RELN: variants seen among roughly 807,000 people sequenced by gnomAD.
RELN encodes reelin.
RELN carries 108 observed loss-of-function variants against 427.6 expected under a neutral mutation model. The observed-to-expected ratio is 0.25, with a 90% confidence interval of 0.22 to 0.30. The LOEUF is 0.30. Ranked by LOEUF, RELN falls within the 10% of genes least tolerant of loss-of-function variation. RELN has a pLI of 1.00. For missense variants in RELN, 3,715 were observed against 4,302.8 expected (o/e 0.86, Z 3.82); for synonymous variants, 1,524 against 1,513.4 (o/e 1.01, Z -0.16).
chr7:103,927,235 A>T (rs969552618), intron 1 of RELN, among the ~76,000 whole-genome samples: 10 of 152,162 alleles, frequency 6.6e-5, no homozygotes, highest in Admixed American at 1.3e-4. Flanking sequence ...ATAAAGTGCC[A>T]CTCGATACTG....
chr7:103,670,937 A>G (rs1413502843), intron 11 of RELN, among the ~76,000 whole-genome samples: 1 of 152,112 alleles, frequency 6.6e-6, no homozygotes, highest in Admixed American at 6.6e-5. Context: ...TTAAGTATGA[A>G]CTAAGATCCA....
At chr7:103,920,567 G>GGT (rs1554442425) in intron 1 of RELN, among the ~76,000 whole-genome samples, 3 of 134,278 alleles carry the variant, frequency 2.2e-5, no homozygotes, top group African/African-American at 5.8e-5. Flanking sequence ...CCAGTCTTTG[G>GGT]TTTTTTTTTT....
intron 3 of RELN, among the ~76,000 whole-genome samples, chr7:103,788,594 G>A (rs907925819): frequency 6.6e-6 from 1 of 151,576 alleles, no homozygotes; most frequent in East Asian, 1.9e-4. Flanking sequence ...TCACAATTGC[G>A]ACAGAGAATA....
chr7:103,592,048 C>A (rs1831427986), intron 27 of RELN, among the ~76,000 whole-genome samples: 1 of 152,062 alleles, frequency 6.6e-6, no homozygotes, highest in Non-Finnish European at 1.5e-5. Context: ...CCTCTTTACT[C>A]AACATTTTAA....
intron 1 of RELN, among the ~76,000 whole-genome samples, chr7:103,973,360 A>G (rs1796803827): frequency 6.6e-6 from 1 of 152,230 alleles, no homozygotes; most frequent in African/African-American, 2.4e-5. Context: ...ATAATCCACA[A>G]TTTAAAATAT....
At chr7:103,904,009 C>A (rs1795139757) in intron 2 of RELN, among the ~76,000 whole-genome samples, 3 of 152,014 alleles carry the variant, frequency 2.0e-5, no homozygotes, top group African/African-American at 7.3e-5. Context: ...ACCTTCACTC[C>A]CCACCCCCGA....
chr7:103,751,524 T>A (rs1791001041), intron 5 of RELN, among the ~76,000 whole-genome samples: 1 of 152,228 alleles, frequency 6.6e-6, no homozygotes, highest in Non-Finnish European at 1.5e-5. Context: ...AATATGGATA[T>A]ACACTGGAGA....
chr7:103,677,066 G>A (rs1437114667), intron 11 of RELN, among the ~76,000 whole-genome samples: 2 of 151,374 alleles, frequency 1.3e-5, no homozygotes, highest in African/African-American at 4.9e-5. Flanking sequence ...TATACACCAT[G>A]GAATACTATG....
chr7:103,956,038 A>G (rs1796426563), intron 1 of RELN, among the ~76,000 whole-genome samples: 1 of 152,108 alleles, frequency 6.6e-6, no homozygotes, highest in Non-Finnish European at 1.5e-5. Flanking sequence ...TTTGTAGCTC[A>G]ACTATGCACT....
chr7:103,939,797 T>C (rs985719099), intron 1 of RELN, among the ~76,000 whole-genome samples: 38 of 152,240 alleles, frequency 2.5e-4, no homozygotes, highest in Non-Finnish European at 1.8e-4. Flanking sequence ...ATCTATCATG[T>C]AGCCATTAAA....
intron 20 of RELN, among the ~76,000 whole-genome samples, chr7:103,624,519 C>T (rs553169531): frequency 6.6e-6 from 1 of 152,242 alleles, no homozygotes; most frequent in South Asian, 2.1e-4. Context: ...CTCTGCCTCC[C>T]AGGTTCAAGT....
intron 2 of RELN, among the ~76,000 whole-genome samples, chr7:103,890,040 C>T (rs1334087498): frequency 5.9e-5 from 9 of 152,220 alleles, no homozygotes; most frequent in Middle Eastern, 3.4e-3. Flanking sequence ...TCCTCTCTCA[C>T]GTTTGACTTC....
At chr7:103,872,030 A>ATT (rs1554434458) in intron 2 of RELN, among the ~76,000 whole-genome samples, 5,807 of 138,398 alleles carry the variant, frequency 0.042, 123 homozygotes, top group Middle Eastern at 0.09. Flanking sequence ...ATATATATAT[A>ATT]TTTTTCTTTT....
intron 22 of RELN, among the ~76,000 whole-genome samples, chr7:103,609,411 C>T (rs2117285750): frequency 6.6e-6 from 1 of 152,214 alleles, no homozygotes; most frequent in Middle Eastern, 3.4e-3. Flanking sequence ...GTTTTGCATA[C>T]ATTTGACATA....
intron 14 of RELN, among the ~76,000 whole-genome samples, chr7:103,652,308 T>C (rs1584378434): frequency 6.6e-6 from 1 of 151,268 alleles, no homozygotes; most frequent in Non-Finnish European, 1.5e-5. Flanking sequence ...CCACAGCACA[T>C]GCAAACACCT....
intron 20 of RELN, among the ~76,000 whole-genome samples, chr7:103,616,731 T>C (rs1832089143): frequency 6.6e-6 from 1 of 152,186 alleles, no homozygotes; most frequent in Admixed American, 6.6e-5. Context: ...CAACATTTAA[T>C]TGCCATCTTT....
At chr7:103,917,551 CTT>C (rs11412775) in intron 1 of RELN, among the ~76,000 whole-genome samples, 23 of 146,400 alleles carry the variant, frequency 1.6e-4, no homozygotes, top group Admixed American at 2.7e-4. Context: ...TGATAAAATG[CTT>C]TTTTTTTTTT....
intron 2 of RELN, among the ~76,000 whole-genome samples, chr7:103,885,519 A>T (rs981317454): frequency 3.3e-5 from 5 of 152,178 alleles, no homozygotes; most frequent in Non-Finnish European, 7.3e-5. Context: ...GTTCTTACTC[A>T]TAAGTTGGAG....
chr7:103,566,899 G>T (rs895929021), intron 31 of RELN, 140 bp from the exon 32 acceptor site: 1 of 791,898 alleles, frequency 1.3e-6, no homozygotes, highest in Non-Finnish European at 2.1e-6. Flanking sequence ...TCCAAGGAAT[G>T]AATTAGTGGA....
Sources: gnomAD v4.1 joint callset for allele counts (sites outside exome capture counted in the v4.1 genomes callset) on GRCh38, gnomAD v4.1.1 for gene constraint, MANE v1.5 for transcripts, NCBI Gene and HGNC (gene_info 2026-07-23, HGNC 2026-07-21) for gene names.